The following NRIP1 variants were observed in gnomAD, a reference collection of about 807,000 sequenced individuals.
NRIP1 encodes nuclear receptor interacting protein 1.
In NRIP1, 28 loss-of-function variants were observed where a neutral mutation model predicts 75.0. That is an observed-to-expected ratio of 0.37 (90% confidence interval 0.28 to 0.51). NRIP1 has a LOEUF of 0.51. Among genes scored for constraint, NRIP1 ranks in the 20% least tolerant of loss-of-function variants. The pLI is 0.92. For missense variants in NRIP1, 1,435 were observed against 1,343.7 expected (o/e 1.07, Z -1.06); for synonymous variants, 526 against 487.6 (o/e 1.08, Z -1.04).
chr21:15,015,789 T>A (rs2088213113), intron 2 of NRIP1, among the ~76,000 whole-genome samples: 2 of 152,234 alleles, frequency 1.3e-5, no homozygotes, highest in Non-Finnish European at 1.5e-5. Flanking sequence ...TTTCTGCATT[T>A]AGAGGTAATT....
intron 2 of NRIP1, among the ~76,000 whole-genome samples, chr21:15,043,197 T>C (rs1356190235): frequency 6.6e-6 from 1 of 152,212 alleles, no homozygotes; most frequent in African/African-American, 2.4e-5. Flanking sequence ...TGTATCTCAT[T>C]TTCAAATCAA....
At chr21:15,033,211 C>A (rs964257078) in intron 2 of NRIP1, among the ~76,000 whole-genome samples, 1 of 128,808 alleles carries the variant, frequency 7.8e-6, no homozygotes, top group East Asian at 2.2e-4. Flanking sequence ...GGCGACAGAG[C>A]GAGACTCTGT....
intron 3 of NRIP1, among the ~76,000 whole-genome samples, chr21:15,009,611 G>C (rs2088053581): frequency 6.6e-6 from 1 of 152,192 alleles, no homozygotes; most frequent in African/African-American, 2.4e-5. Context: ...AGAAGCTTCA[G>C]TATTCTTCAG....
At chr21:15,050,634 C>A (rs1037653177) in intron 1 of NRIP1, 1 of 419,660 alleles carries the variant, frequency 2.4e-6, no homozygotes, top group Non-Finnish European at 4.8e-6. Context: ...TTCAAACTCA[C>A]GTGACCACAG....
intron 2 of NRIP1, among the ~76,000 whole-genome samples, chr21:15,033,240 A>T (rs2088752582): frequency 6.6e-6 from 1 of 151,918 alleles, no homozygotes; most frequent in Non-Finnish European, 1.5e-5. Flanking sequence ...AAAAAAAAAA[A>T]AAATACTGCA....
At position 14,961,706 on chromosome 21, in the gene NRIP1, T is replaced by A. The variant is rs76206782; in HGVS notation, c.*3010A>T. 0.035 allele frequency: 5,347 copies of A among 152,444 alleles called. 152 individuals carry two copies. Among genetic ancestry groups the A allele is most frequent in the South Asian group, 0.071 (340 of 4,818 alleles). 9.4% of individuals were successfully genotyped at this position (152,444 alleles called of 1,614,324 possible). ...TGATTTGTTAAGACATTTTGCCAAA[T>A]GCACAGATGCACAGGGTCCCCCATG... On this transcript the variant is annotated 3_prime_UTR_variant, in exon 4 of 4. Transcript: ENST00000318948.
chr21:15,032,768 G>C (rs2088736138), intron 2 of NRIP1, among the ~76,000 whole-genome samples: 1 of 152,312 alleles, frequency 6.6e-6, no homozygotes, highest in African/African-American at 2.4e-5. Context: ...AAATGAAGCA[G>C]GAGATGCAGC....
intron 2 of NRIP1, among the ~76,000 whole-genome samples, chr21:15,015,785 C>T (rs1295410870): frequency 6.6e-6 from 1 of 152,062 alleles, no homozygotes; most frequent in African/African-American, 2.4e-5. Flanking sequence ...ATTATTTCTG[C>T]ATTTAGAGGT....
intron 2 of NRIP1, among the ~76,000 whole-genome samples, chr21:15,026,934 G>A (rs537854189): frequency 7.9e-5 from 12 of 152,122 alleles, no homozygotes; most frequent in African/African-American, 2.7e-4. Flanking sequence ...TTGAGGGGAT[G>A]GACACCTCAT....
chr21:15,040,068 C>T (rs1395181961), intron 2 of NRIP1, among the ~76,000 whole-genome samples: 3 of 152,038 alleles, frequency 2.0e-5, no homozygotes, highest in African/African-American at 7.2e-5. Context: ...CAAAATGTAA[C>T]TCTATAGCTG....
Position 14,965,179 on chromosome 21 carries a change from A to G in NRIP1, c.3014T>C (p.Val1005Ala). The G allele has an allele frequency of 1.2e-6, 2 of 1,613,502 alleles. No individual in the cohort carries two copies. The highest frequency in any genetic ancestry group is 8.5e-7 in the Non-Finnish European group (1 of 1,179,936). ...MDNRTFSYPG[V>A]VKTPVSPTFP... ...AGTAGGACTCACAGGAGTTTTTACT[A>G]CACCTGGGTATGAAAATGTCCTGTT... is the stretch of plus-strand genomic sequence containing the variant. The change falls in exon 4 of 4, where the codon GTA (valine) becomes GCA (alanine). Residue 1005 changes from valine (V) to alanine (A), a missense_variant. Transcript: ENST00000318948.
intron 3 of NRIP1, among the ~76,000 whole-genome samples, chr21:14,985,055 A>G (rs1180792698): frequency 6.6e-6 from 1 of 152,192 alleles, no homozygotes; most frequent in Non-Finnish European, 1.5e-5. Context: ...CTGGAATTGA[A>G]CCTGCAATAT....
intron 2 of NRIP1, among the ~76,000 whole-genome samples, chr21:15,039,390 T>C (rs1403531213): frequency 2.6e-5 from 4 of 152,130 alleles, no homozygotes; most frequent in Admixed American, 6.5e-5. Context: ...AGTTTCCATA[T>C]TGACTGTTCT....
At chr21:15,042,603 C>T (rs928647489) in intron 2 of NRIP1, among the ~76,000 whole-genome samples, 3 of 152,166 alleles carry the variant, frequency 2.0e-5, no homozygotes, top group African/African-American at 4.8e-5. Context: ...GATTAGTACC[C>T]TTATAAAAGA....
At chr21:14,986,817 A>C (rs994461206) in intron 3 of NRIP1, among the ~76,000 whole-genome samples, 1 of 152,202 alleles carries the variant, frequency 6.6e-6, no homozygotes. Context: ...AGATTACACA[A>C]ATTTAAAGAA....
At chr21:15,014,323 T>C (rs2088175990) in intron 3 of NRIP1, 21 bp downstream of exon 3, 1 of 396,838 alleles carries the variant, frequency 2.5e-6, no homozygotes, top group Non-Finnish European at 4.4e-6. Flanking sequence ...CCTTAAGAAC[T>C]CAGGAAAAAA....
At chr21:15,032,196 A>G (rs1345594548) in intron 2 of NRIP1, among the ~76,000 whole-genome samples, 1 of 152,242 alleles carries the variant, frequency 6.6e-6, no homozygotes, top group Non-Finnish European at 1.5e-5. Flanking sequence ...CAAGCCATTA[A>G]TAACAAAGCC....
chr21:15,000,300 C>T (rs893797302), intron 3 of NRIP1, among the ~76,000 whole-genome samples: 2 of 152,030 alleles, frequency 1.3e-5, no homozygotes, highest in African/African-American at 2.4e-5. Context: ...AGGAATGTAT[C>T]GGGGTGGGTG....
At chr21:15,037,270 A>G (rs1193440221) in intron 2 of NRIP1, among the ~76,000 whole-genome samples, 1 of 152,216 alleles carries the variant, frequency 6.6e-6, no homozygotes, top group Non-Finnish European at 1.5e-5. Context: ...CATACAAAGC[A>G]CATGAAAAAA....
Sources: gnomAD v4.1 joint callset for allele counts (sites outside exome capture counted in the v4.1 genomes callset) on GRCh38, gnomAD v4.1.1 for gene constraint, MANE v1.5 for transcripts, NCBI Gene and HGNC (gene_info 2026-07-23, HGNC 2026-07-21) for gene names.